STPG2: variants seen among roughly 807,000 people sequenced by gnomAD.
STPG2 encodes the protein sperm tail PG-rich repeat containing 2.
A neutral mutation model predicts 54.2 loss-of-function variants in STPG2; 56 were observed. The ratio of observed to expected loss-of-function variants is 1.03; its 90% CI spans 0.83 to 1.29. The LOEUF (loss-of-function observed/expected upper bound fraction) is 1.29. Among genes scored for constraint, STPG2 ranks in the 50% most tolerant of loss-of-function variants. STPG2 has a pLI of 0.00. For missense variants in STPG2, 596 were observed against 544.9 expected, an observed-to-expected ratio of 1.09 and a Z score of -0.93; for synonymous variants, 200 against 181.8, an observed-to-expected ratio of 1.10 and a Z score of -0.81.
chr4:97,908,505 C>T (rs904549040), intron 8 of STPG2, among the ~76,000 whole-genome samples: 9 of 151,696 alleles, frequency 5.9e-5, no homozygotes, highest in South Asian at 4.2e-4. Flanking sequence ...CCCAGCCATC[C>T]CATTACTGGG....
At chr4:97,447,273 G>A (rs941936522) in intron 4 of STPG2, among the ~76,000 whole-genome samples, 2 of 152,170 alleles carry the variant, frequency 1.3e-5, no homozygotes, top group Non-Finnish European at 2.9e-5. Flanking sequence ...GAGCATAAAA[G>A]TTTGAAAAAT....
chr4:97,476,108 A>C (rs536265205), intron 4 of STPG2, among the ~76,000 whole-genome samples: 1 of 152,182 alleles, frequency 6.6e-6, no homozygotes, highest in Non-Finnish European at 1.5e-5. Context: ...TGTATGAATT[A>C]ATATATTGTA....
intron 8 of STPG2, among the ~76,000 whole-genome samples, chr4:97,873,017 T>C (rs1217019040): frequency 6.6e-6 from 1 of 151,436 alleles, no homozygotes; most frequent in East Asian, 1.9e-4. Context: ...GAACTAGGTA[T>C]GTTCATTGCT....
intron 10 of STPG2, among the ~76,000 whole-genome samples, chr4:97,692,196 G>A (rs377120587): frequency 6.6e-5 from 10 of 150,676 alleles, no homozygotes; most frequent in African/African-American, 2.4e-4. Flanking sequence ...TTTCTGAATT[G>A]CCAGAAAAAG....
chr4:97,711,004 C>T (rs944285736), intron 10 of STPG2, among the ~76,000 whole-genome samples: 8 of 151,330 alleles, frequency 5.3e-5, no homozygotes, highest in Non-Finnish European at 1.0e-4. Context: ...AAACATCTAT[C>T]ATAAAGTATA....
intron 10 of STPG2, among the ~76,000 whole-genome samples, chr4:97,599,109 T>C (rs60955256): frequency 0.039 from 5,882 of 152,120 alleles, 361 homozygotes; most frequent in African/African-American, 0.13. Context: ...AGAGGACCCT[T>C]ATCAAAAGAA....
At chr4:97,551,145 G>A in intron 4 of STPG2, among the ~76,000 whole-genome samples, 1 of 152,040 alleles carries the variant, frequency 6.6e-6, no homozygotes, top group East Asian at 1.9e-4. Context: ...GCTGATTGGT[G>A]CGTTTACAAA....
chr4:97,605,989 A>G (rs1200667193), intron 10 of STPG2, among the ~76,000 whole-genome samples: 2 of 151,852 alleles, frequency 1.3e-5, no homozygotes, highest in African/African-American at 4.8e-5. Context: ...TGGAATTTTT[A>G]GATCTAATTT....
intron 5 of STPG2, among the ~76,000 whole-genome samples, chr4:97,988,061 C>CACACAT (rs1440011324): frequency 1.3e-5 from 2 of 151,688 alleles, no homozygotes; most frequent in Non-Finnish European, 2.9e-5. Context: ...CACACACACA[C>CACACAT]ACACATATTA....
intron 4 of STPG2, among the ~76,000 whole-genome samples, chr4:97,476,390 T>A (rs1219166895): frequency 1.3e-5 from 2 of 152,298 alleles, no homozygotes; most frequent in East Asian, 3.9e-4. Flanking sequence ...CTTGTTCAAC[T>A]GACTTTGCAA....
intron 10 of STPG2, among the ~76,000 whole-genome samples, chr4:97,683,585 C>A (rs550170078): frequency 5.4e-4 from 82 of 151,804 alleles, no homozygotes; most frequent in Non-Finnish European, 1.0e-3. Context: ...TATAACAAAT[C>A]TTTCTGAAAA....
intron 10 of STPG2, among the ~76,000 whole-genome samples, chr4:97,706,056 T>G (rs1310417995): frequency 6.6e-6 from 1 of 152,168 alleles, no homozygotes; most frequent in Non-Finnish European, 1.5e-5. Flanking sequence ...CAATTTATAC[T>G]ATTTTCTCTT....
chr4:98,090,529 G>A (rs1738654292), intron 5 of STPG2, among the ~76,000 whole-genome samples: 1 of 151,852 alleles, frequency 6.6e-6, no homozygotes, highest in South Asian at 2.1e-4. Flanking sequence ...GTATTGCTTT[G>A]GCTATGCAGG....
chr4:97,809,077 A>G (rs548846654), intron 9 of STPG2, among the ~76,000 whole-genome samples: 1 of 152,318 alleles, frequency 6.6e-6, no homozygotes, highest in South Asian at 2.1e-4. Flanking sequence ...ACATGATTGG[A>G]AAATAAGAAA....
intron 9 of STPG2, among the ~76,000 whole-genome samples, chr4:97,723,889 A>G (rs1724536431): frequency 6.6e-6 from 1 of 152,158 alleles, no homozygotes; most frequent in Non-Finnish European, 1.5e-5. Context: ...CCATGATCCA[A>G]TCACCTCCAA....
intron 10 of STPG2, among the ~76,000 whole-genome samples, chr4:97,699,765 G>A (rs774901477): frequency 5.3e-5 from 8 of 152,150 alleles, no homozygotes; most frequent in Non-Finnish European, 1.2e-4. Context: ...CTCTTTCTCT[G>A]TCAACTAATC....
chr4:98,003,857 A>C (rs1735490152), intron 5 of STPG2, among the ~76,000 whole-genome samples: 2 of 152,022 alleles, frequency 1.3e-5, no homozygotes, highest in Non-Finnish European at 2.9e-5. Context: ...TATTTTTTCT[A>C]TCTTTATTGA....
intron 8 of STPG2, among the ~76,000 whole-genome samples, chr4:97,895,570 G>A (rs72881499): frequency 0.029 from 4,424 of 151,550 alleles, 218 homozygotes; most frequent in African/African-American, 0.1. Flanking sequence ...CTAACAAATT[G>A]AACTTAATAG....
At chr4:97,706,531 C>T (rs1723947468) in intron 10 of STPG2, among the ~76,000 whole-genome samples, 3 of 152,146 alleles carry the variant, frequency 2.0e-5, no homozygotes, top group South Asian at 2.1e-4. Context: ...GTGTTCAGAG[C>T]TATGAGAAAT....
Sources: gnomAD v4.1 joint callset for allele counts (sites outside exome capture counted in the v4.1 genomes callset) on GRCh38, gnomAD v4.1.1 for gene constraint, MANE v1.5 for transcripts, NCBI Gene and HGNC (gene_info 2026-07-23, HGNC 2026-07-21) for gene names.